SHE: variants seen among roughly 807,000 people sequenced by gnomAD.
SHE encodes SH2 domain-containing adapter protein E.
SHE carries 11 observed loss-of-function variants against 49.8 expected under a neutral mutation model. The ratio of observed to expected loss-of-function variants is 0.22; its 90% CI spans 0.14 to 0.37. The LOEUF is 0.37. SHE is among the 10% of genes least tolerant of loss of function. The pLI, the probability that SHE is intolerant of heterozygous loss-of-function variation, is 1.00. For synonymous variants in SHE, 310 were observed against 278.1 expected (o/e 1.11, Z -1.14); for missense variants, 624 against 655.5 (o/e 0.95, Z 0.52).
chr1:154,477,272 C>T (rs539145910), downstream of SHE, among the ~76,000 whole-genome samples: 1 of 152,316 alleles, frequency 6.6e-6, no homozygotes, highest in East Asian at 1.9e-4. Context: ...CCTGAATGTC[C>T]AGTCTGCTAG....
intron 1 of SHE, among the ~76,000 whole-genome samples, chr1:154,500,027 CCT>C (rs1252688101): frequency 4.0e-5 from 6 of 151,146 alleles, no homozygotes; most frequent in East Asian, 3.9e-4. Flanking sequence ...TGCTCCACAA[CCT>C]CTGTTACATT....
Position 154,480,373 on chromosome 1 carries a change from AAACT to A in SHE, c.*3772_*3775del, listed in dbSNP as rs1479871114. 3.0e-6 allele frequency: 3 copies of A among 985,456 alleles called. No individual in the cohort carries two copies. Among genetic ancestry groups the A allele is most frequent in the South Asian group, 4.7e-5 (1 of 21,286 alleles). 61.0% of individuals were successfully genotyped at this position (985,456 alleles called of 1,614,324 possible). On this transcript the variant is annotated 3_prime_UTR_variant, in exon 6 of 6. Coordinates refer to ENST00000304760, the MANE Select transcript of SHE (RefSeq NM_001010846.3). Reference sequence around the variant, plus strand: ...TGAAAAAGGGCATCTGACAGAACAGAAACTAACCCCACTTAACCCGCAACTGAAG... The same window carrying A: ...TGAAAAAGGGCATCTGACAGAACAGAAACCCCACTTAACCCGCAACTGAAG...
intron 2 of SHE, among the ~76,000 whole-genome samples, chr1:154,498,090 A>G (rs1226212957): frequency 6.7e-6 from 1 of 149,370 alleles, no homozygotes; most frequent in Non-Finnish European, 1.5e-5. Context: ...TCATGTTTGC[A>G]GTTTTTGTTT....
Position 154,482,907 on chromosome 1 carries a change from TA to T in SHE, c.*1241del. 1.0e-6 allele frequency: 1 copy of T among 985,168 alleles called. No individual in the cohort carries two copies. The highest frequency in any genetic ancestry group is 1.2e-6 in the Non-Finnish European group (1 of 829,706). 61.0% of individuals were successfully genotyped at this position (985,168 alleles called of 1,614,324 possible). A position where few individuals can be genotyped will look rare whatever the true frequency, so the allele number is the denominator to read the frequency against. ...TAATCAGATCTTAGGGTTGCATTTT[TA>T]AAAAATTTACTACAAAGCAAATCTA... is the stretch of plus-strand genomic sequence containing the variant. On this transcript the variant is annotated 3_prime_UTR_variant, in exon 6 of 6. Coordinates refer to ENST00000304760, the MANE Select transcript of SHE (RefSeq NM_001010846.3).
At chr1:154,501,036 T>C (rs760813214) in intron 1 of SHE, among the ~76,000 whole-genome samples, 4 of 152,174 alleles carry the variant, frequency 2.6e-5, no homozygotes, top group Non-Finnish European at 5.9e-5. Flanking sequence ...TCTACACACT[T>C]GAGAGGTTAC....
intron 2 of SHE, among the ~76,000 whole-genome samples, chr1:154,496,405 C>T (rs1370151513): frequency 6.6e-6 from 1 of 152,206 alleles, no homozygotes; most frequent in East Asian, 1.9e-4. Context: ...TTAATACACA[C>T]TCAAATATTA....
At chr1:154,471,238 G>A (rs1460358961) in intron 1 of SHE, among the ~76,000 whole-genome samples, 2 of 151,994 alleles carry the variant, frequency 1.3e-5, no homozygotes, top group African/African-American at 4.8e-5. Context: ...AAACAAAACA[G>A]GCCAGGCGCA....
chr1:154,472,891 G>T (rs1412736692), intron 1 of SHE, among the ~76,000 whole-genome samples: 3 of 152,198 alleles, frequency 2.0e-5, no homozygotes, highest in Non-Finnish European at 4.4e-5. Context: ...GCTGGGCGCA[G>T]TGGCTCACAC....
intron 5 of SHE, chr1:154,484,605 T>C: frequency 5.8e-6 from 2 of 346,942 alleles, no homozygotes; most frequent in Non-Finnish European, 1.1e-5. Context: ...GCCAAGTCCC[T>C]TCTAGCTCTC....
Position 154,501,101 on chromosome 1 carries a change from C to T in SHE, c.591+335G>A, listed in dbSNP as rs1354811049. On this transcript the variant is annotated intron_variant, in intron 1 of 5. Coordinates refer to ENST00000304760, the MANE Select transcript of SHE (RefSeq NM_001010846.3). Reference sequence around the variant, plus strand: ...CATACACAAGCCTAGCTTTGCAATTCCCCTGAATATCAAAATTAAAATGAA... The same window carrying T: ...CATACACAAGCCTAGCTTTGCAATTTCCCTGAATATCAAAATTAAAATGAA... Among the ~76,000 whole-genome samples the T allele has an allele frequency of 1.3e-4, 20 of 152,166 alleles. No individual in the cohort carries two copies. In the East Asian group the frequency reaches 3.9e-3, roughly 29 times the overall value.
chr1:154,480,912 TA>T lies in SHE; in HGVS notation c.*3236del. 1.0e-6 allele frequency: 1 copy of T among 985,238 alleles called. No individual in the cohort carries two copies. Among genetic ancestry groups the T allele is most frequent in the Non-Finnish European group, 1.2e-6 (1 of 829,834 alleles). 61.0% of individuals were successfully genotyped at this position (985,238 alleles called of 1,614,324 possible). A position where few individuals can be genotyped will look rare whatever the true frequency, so the allele number is the denominator to read the frequency against. ...AACTTGTCCAGTCATCGCAAGCAAG[TA>T]TTTTTTTTAAAGAAGGTGTGATCAA... On this transcript the variant is annotated 3_prime_UTR_variant, in exon 6 of 6. Transcript: ENST00000304760.
chr1:154,491,556 C>G (rs1223157998), intron 2 of SHE, among the ~76,000 whole-genome samples: 2 of 152,242 alleles, frequency 1.3e-5, no homozygotes, highest in African/African-American at 4.8e-5. Flanking sequence ...TCTCACCCTG[C>G]TCTTCTCCCA....
Position 154,502,022 on chromosome 1 carries a change from T to C in SHE, c.5A>G (p.Gln2Arg), listed in dbSNP as rs1692796563. The C allele has an allele frequency of 3.0e-6, 4 of 1,354,338 alleles. No individual in the cohort carries two copies. The highest frequency in any genetic ancestry group is 3.9e-5 in the Admixed American group (1 of 25,890). 83.9% of individuals were successfully genotyped at this position (1,354,338 alleles called of 1,614,324 possible). ...AGAGGCGCCAGGGGTCGGGGACCAC[T>C]GCATTCCCCGTGACTGGGGCGCTGG... M[Q>R]WSPTPGASAC... The change falls in exon 1 of 6, where the codon CAG (glutamine) becomes CGG (arginine). Residue 2 changes from glutamine to arginine, a missense_variant. Gln to Arg is a conservative substitution (Grantham distance 43, BLOSUM62 1). Around this residue, in one of 4 missense-constraint regions of SHE, gnomAD observed 337 missense variants for 306.0 expected, o/e 1.10. Coordinates refer to ENST00000304760, the MANE Select transcript of SHE (RefSeq NM_001010846.3).
rs1692013807 is a variant in SHE at position 154,481,325 on chromosome 1, A to G, written c.*2824T>C. The G allele has an allele frequency of 4.1e-6, 4 of 985,290 alleles. No homozygotes were observed. The highest frequency in any genetic ancestry group is 4.8e-6 in the Non-Finnish European group (4 of 829,948). 61.0% of individuals were successfully genotyped at this position (985,290 alleles called of 1,614,324 possible). A position where few individuals can be genotyped will look rare whatever the true frequency, so the allele number is the denominator to read the frequency against. On this transcript the variant is annotated 3_prime_UTR_variant, in exon 6 of 6. Coordinates refer to ENST00000304760, the MANE Select transcript of SHE (RefSeq NM_001010846.3). The stretch of plus-strand genomic sequence containing the variant: ...CTCTGACTTCCCACTAATTTACTAT[A>G]TTTCTTCTTATAACCTCCTGTACAA...
intron 1 of SHE, among the ~76,000 whole-genome samples, chr1:154,473,538 C>A (rs1387721597): frequency 6.6e-6 from 1 of 152,038 alleles, no homozygotes; most frequent in Non-Finnish European, 1.5e-5. Context: ...CGCTGTGGCT[C>A]ATGCTTGTAA....
At position 154,480,703 on chromosome 1, in the gene SHE, G is replaced by C; in HGVS notation, c.*3446C>G. The C allele has an allele frequency of 2.0e-6, 2 of 985,344 alleles. No homozygotes were observed. Among genetic ancestry groups the C allele is most frequent in the South Asian group, 4.7e-5 (1 of 21,284 alleles). 61.0% of individuals were successfully genotyped at this position (985,344 alleles called of 1,614,324 possible). A position where few individuals can be genotyped will look rare whatever the true frequency, so the allele number is the denominator to read the frequency against. On this transcript the variant is annotated 3_prime_UTR_variant, in exon 6 of 6. Transcript: ENST00000304760. The stretch of plus-strand genomic sequence containing the variant: ...TAAAATGACACTTCTGCCCCCAACA[G>C]AGAGTAGATATATCAATATTTACCT...
rs927047887 is a variant in SHE, at chr1:154,483,325, G to A, written c.*824C>T. 7.7e-5 allele frequency: 76 copies of A among 985,396 alleles called. No homozygotes were observed. The highest frequency in any genetic ancestry group is 6.1e-5 in the Admixed American group (1 of 16,286). The allele number at this position is 985,396 out of a possible 1,614,324, so 61.0% of individuals were successfully genotyped here. On this transcript the variant is annotated 3_prime_UTR_variant, in exon 6 of 6. Coordinates refer to ENST00000304760, the MANE Select transcript of SHE (RefSeq NM_001010846.3). ...GTTGCGGATTTCCATGAACTCCAGA[G>A]CTGAATTAGGACTTCTGAGGGAGAA...
chr1:154,499,221 G>A lies in SHE; in HGVS notation c.609C>T (p.Asp203=). 3 of 1,613,612 alleles carry A rather than the reference G, an allele frequency of 1.9e-6. No individual in the cohort carries two copies. Among genetic ancestry groups the A allele is most frequent in the African/African-American group, 1.3e-5 (1 of 75,012 alleles). ...GTTTGGCATCATAAGGGTCAGCATA[G>A]TCTTCTAAAATGATGACCTGAAAAA... ...KQQETVIILE[D]YADPYDAKRT... The change falls in exon 2 of 6, where the codon GAC becomes GAT. Residue 203 remains aspartate, a synonymous_variant. Coordinates refer to ENST00000304760, the MANE Select transcript of SHE (RefSeq NM_001010846.3).
At position 154,481,351 on chromosome 1, in the gene SHE, C is replaced by A; in HGVS notation, c.*2798G>T. On this transcript the variant is annotated 3_prime_UTR_variant, in exon 6 of 6. Coordinates refer to ENST00000304760, the MANE Select transcript of SHE (RefSeq NM_001010846.3). ...TTTCTTCTTATAACCTCCTGTACAA[C>A]TGTAAAGCAACTGGACAATATGTAA... 6.1e-6 allele frequency: 6 copies of A among 985,434 alleles called. No homozygotes were observed. The highest frequency in any genetic ancestry group is 7.2e-6 in the Non-Finnish European group (6 of 829,932). 61.0% of individuals were successfully genotyped at this position (985,434 alleles called of 1,614,324 possible).
Sources: gnomAD v4.1 joint callset for allele counts (sites outside exome capture counted in the v4.1 genomes callset) on GRCh38, gnomAD v4.1.1 for gene constraint, gnomAD v4.1.1 regional missense constraint, MANE v1.5 for transcripts, NCBI Gene and HGNC (gene_info 2026-07-23, HGNC 2026-07-21) for gene names.